The following ZNF415 variants were observed in gnomAD, a reference collection of about 807,000 sequenced individuals.
ZNF415 encodes zinc finger protein 415.
Under a neutral mutation model 7.3 loss-of-function variants are expected in ZNF415, and 5 were observed. The observed-to-expected ratio is 0.69, with a 90% CI of 0.36 to 1.44. The LOEUF (loss-of-function observed/expected upper bound fraction) is 1.44, where lower values mean the gene tolerates loss of function less well. Ranked by LOEUF, ZNF415 falls within the 40% of genes most tolerant of loss-of-function variation. The pLI, the probability that ZNF415 is intolerant of heterozygous loss-of-function variation, is 0.04. For missense variants in ZNF415, 628 were observed against 664.8 expected (o/e 0.94, Z 0.61); for synonymous variants, 207 against 226.3 (o/e 0.91, Z 0.77).
At chr19:53,122,798 G>A in intron 1 of ZNF415, 55 bp from the exon 2 acceptor site, 3 of 1,365,578 alleles carry the variant, frequency 2.2e-6, no homozygotes, top group Non-Finnish European at 3.1e-6. Context: ...ACCCCCTCTT[G>A]TGTGACAAGC....
intron 1 of ZNF415, among the ~76,000 whole-genome samples, chr19:53,131,731 T>C (rs572923277): frequency 7.6e-4 from 115 of 152,234 alleles, no homozygotes; most frequent in African/African-American, 2.6e-3. Context: ...ATGTATTTAA[T>C]TCCTCTTTCT....
chr19:53,115,590 C>G (rs2086895094), intron 3 of ZNF415: 6 of 801,632 alleles, frequency 7.5e-6, no homozygotes, highest in Non-Finnish European at 1.2e-5. Flanking sequence ...AAAATTTCCT[C>G]TAAGAGCTCA....
chr19:53,121,133 C>T (rs1207021882), intron 2 of ZNF415, among the ~76,000 whole-genome samples: 3 of 140,818 alleles, frequency 2.1e-5, no homozygotes, highest in African/African-American at 5.3e-5. Flanking sequence ...CAGTGGCTCC[C>T]GCCCGTAATC....
At chr19:53,129,975 G>T (rs2146697670) in intron 1 of ZNF415, among the ~76,000 whole-genome samples, 1 of 151,432 alleles carries the variant, frequency 6.6e-6, no homozygotes, top group South Asian at 2.1e-4. Context: ...TGAGGCAGGA[G>T]AATCGCTTGA....
intron 1 of ZNF415, among the ~76,000 whole-genome samples, chr19:53,126,174 C>T (rs930787597): frequency 4.0e-5 from 6 of 151,484 alleles, no homozygotes; most frequent in African/African-American, 9.7e-5. Flanking sequence ...TTGTCTTCAC[C>T]GAGAGTGAGA....
At chr19:53,123,390 G>A in intron 1 of ZNF415, 1 of 397,514 alleles carries the variant, frequency 2.5e-6, no homozygotes, top group East Asian at 3.6e-5. Context: ...ATATGGACCA[G>A]AGGTGGGGGT....
chr19:53,130,702 G>A (rs1042314221), intron 1 of ZNF415, among the ~76,000 whole-genome samples: 1 of 151,758 alleles, frequency 6.6e-6, no homozygotes, highest in Non-Finnish European at 1.5e-5. Flanking sequence ...CTCTGTCACC[G>A]GATCTCGGCT....
intron 2 of ZNF415, among the ~76,000 whole-genome samples, chr19:53,121,077 CAAAA>C (rs58307730): frequency 0.016 from 643 of 40,322 alleles, 5 homozygotes; most frequent in African/African-American, 0.066. Context: ...GAGGAAGACT[CAAAA>C]AAAAAAAAAA....
intron 3 of ZNF415, chr19:53,115,418 C>T (rs527766875): frequency 3.1e-4 from 136 of 434,504 alleles, no homozygotes; most frequent in Non-Finnish European, 5.1e-4. Flanking sequence ...TCCCGGACCC[C>T]TCAGAGTGAA....
At chr19:53,121,440 T>C (rs553002691) in intron 2 of ZNF415, among the ~76,000 whole-genome samples, 1 of 152,064 alleles carries the variant, frequency 6.6e-6, no homozygotes, top group Non-Finnish European at 1.5e-5. Context: ...TTGTTGTTGT[T>C]GACACAGAGT....
At chr19:53,112,812 C>T (rs1412893175) in intron 3 of ZNF415, among the ~76,000 whole-genome samples, 1 of 152,122 alleles carries the variant, frequency 6.6e-6, no homozygotes, top group Non-Finnish European at 1.5e-5. Context: ...TGGGGCCAGG[C>T]GTGGTGGCTC....
chr19:53,113,877 T>C (rs981388298), intron 3 of ZNF415, among the ~76,000 whole-genome samples: 2 of 152,220 alleles, frequency 1.3e-5, no homozygotes, highest in Admixed American at 1.3e-4. Flanking sequence ...CCAGGTACAC[T>C]TTTGTGAGGC....
intron 2 of ZNF415, chr19:53,122,290 G>A: frequency 9.5e-7 from 1 of 1,056,590 alleles, no homozygotes; most frequent in South Asian, 1.5e-5. Context: ...CAAAAAACAT[G>A]ACTTCCATGG....
intron 1 of ZNF415, among the ~76,000 whole-genome samples, chr19:53,127,693 A>G (rs570440766): frequency 2.6e-5 from 4 of 152,066 alleles, no homozygotes; most frequent in African/African-American, 4.8e-5. Context: ...CCTGGCCAAC[A>G]TGGTGAAACC....
intron 1 of ZNF415, among the ~76,000 whole-genome samples, chr19:53,131,681 C>T (rs1356508638): frequency 6.6e-6 from 1 of 152,004 alleles, no homozygotes; most frequent in African/African-American, 2.4e-5. Context: ...CCCGTCTTCC[C>T]TCTATTCTTT....
chr19:53,115,601 C>T (rs2086896762), intron 3 of ZNF415: 5 of 872,996 alleles, frequency 5.7e-6, no homozygotes, highest in Non-Finnish European at 9.1e-6. Context: ...TAAGAGCTCA[C>T]AGGATATAAA....
rs199987173 is a variant in ZNF415 at position 53,108,769 on chromosome 19, G to A, written c.1276C>T (p.His426Tyr). The change falls in exon 4 of 4, where the codon CAC becomes TAC. Residue 426 changes from histidine to tyrosine, a missense_variant. By Grantham distance (83) the His-to-Tyr change is moderately conservative. Transcript: ENST00000243643. ...ECGKVFSYNS[H>Y]LASHRRVHTG... ...TGAACTCTCCGATGACTCGCAAGGT[G>A]TGAATTGTAACTGAAAACCTTACCA... The A allele has an allele frequency of 1.3e-5, 21 of 1,612,820 alleles. No individual in the cohort carries two copies. In the East Asian group the frequency reaches 1.8e-4, roughly 14 times the overall value.
At chr19:53,121,259 C>G (rs2087987585) in intron 2 of ZNF415, among the ~76,000 whole-genome samples, 1 of 149,866 alleles carries the variant, frequency 6.7e-6, no homozygotes, top group Non-Finnish European at 1.5e-5. Context: ...GTGGCGGGTG[C>G]CTGTAGTCTC....
chr19:53,120,933 A>T (rs2087899815), intron 2 of ZNF415, among the ~76,000 whole-genome samples: 1 of 151,336 alleles, frequency 6.6e-6, no homozygotes, highest in South Asian at 2.1e-4. Flanking sequence ...AAAATACAAA[A>T]ATTAGCCAGG....
Sources: gnomAD v4.1 joint callset for allele counts (sites outside exome capture counted in the v4.1 genomes callset) on GRCh38, gnomAD v4.1.1 for gene constraint, MANE v1.5 for transcripts, NCBI Gene and HGNC (gene_info 2026-07-23, HGNC 2026-07-21) for gene names.